Variants in CDKL3 observed in about 807,000 individuals in gnomAD.
The protein encoded by CDKL3 is cyclin dependent kinase like 3.
A neutral mutation model predicts 69.3 loss-of-function variants in CDKL3; 65 were observed. That is an observed-to-expected ratio of 0.94 (90% CI 0.77 to 1.15). The LOEUF is 1.15. Among genes scored for constraint, CDKL3 ranks in the 50% most tolerant of loss-of-function variants. CDKL3 has a pLI of 0.00. For synonymous variants in CDKL3, 202 were observed against 221.6 expected (o/e 0.91, Z 0.79); for missense variants, 652 against 689.2 (o/e 0.95, Z 0.61).
rs181113836 is a variant in CDKL3 at position 134,335,418 on chromosome 5, C to T, written c.540-13515G>A. 3.3e-3 allele frequency among the ~76,000 whole-genome samples: 506 copies of T among 152,248 alleles called. 1 individual carries two copies. Among genetic ancestry groups the T allele is most frequent in the African/African-American group, 0.012 (478 of 41,524 alleles). On this transcript the variant is annotated intron_variant, in intron 4 of 12. Transcript: ENST00000265334. ...AATTGATGCAGTTTCTTCATAGCGT[C>T]GATGGTCTTTACAATTTGGCATGTT...
chr5:134,286,720 C>T (rs2149402659), intron 8 of CDKL3, among the ~76,000 whole-genome samples: 1 of 152,204 alleles, frequency 6.6e-6, no homozygotes, highest in South Asian at 2.1e-4. Flanking sequence ...GGAAAACTCC[C>T]CCTTGTAATA....
chr5:134,370,773 G>A (rs1400998850), upstream of CDKL3, among the ~76,000 whole-genome samples: 5 of 152,320 alleles, frequency 3.3e-5, no homozygotes, highest in East Asian at 7.7e-4. Context: ...GGCTGCCTTA[G>A]AAGATCGTGC....
At chr5:134,328,522 A>C (rs1316156753) in intron 4 of CDKL3, among the ~76,000 whole-genome samples, 2 of 152,228 alleles carry the variant, frequency 1.3e-5, no homozygotes, top group Non-Finnish European at 1.5e-5. Flanking sequence ...GAATGAAAAA[A>C]ATAACAGAGC....
At chr5:134,367,368 CTTTTTTTTT>C (rs57811547), upstream of CDKL3, 33 of 780,454 alleles carry the variant, frequency 4.2e-5, no homozygotes, top group South Asian at 1.5e-3. Flanking sequence ...GGATCTGCAT[CTTTTTTTTT>C]TTTTTTTTTT....
intron 1 of CDKL3, 75 bp downstream of exon 1, chr5:134,366,902 A>T: frequency 1.0e-6 from 1 of 1,001,832 alleles, no homozygotes; most frequent in South Asian, 4.2e-5. Flanking sequence ...GCAGTCGCCC[A>T]CTTATCAGGC....
In CDKL3 at chr5:134,304,466, T is replaced by C; in HGVS notation, c.1560A>G (p.Lys520=). 1.9e-6 allele frequency: 3 copies of C among 1,613,206 alleles called. No homozygotes were observed. Among genetic ancestry groups the C allele is most frequent in the African/African-American group, 2.7e-5 (2 of 75,040 alleles). Residue 520 remains lysine, a synonymous_variant, in exon 11 of 13, where the codon AAA becomes AAG. Coordinates refer to ENST00000265334, the MANE Select transcript of CDKL3 (RefSeq NM_001113575.2). ...CAGGCAATTCTGGAAAATGGAATTC[T>C]TTCCTGTCAGATCTGGAAAAATTCA... ...RKLNFSRSDR[K]EFHFPELPVT... is the part of the protein sequence containing the mutation.
Position 134,326,853 on chromosome 5 carries a change from A to G in CDKL3, c.540-4950T>C, listed in dbSNP as rs1381284307. Among the ~76,000 whole-genome samples the G allele has an allele frequency of 2.6e-4, 27 of 104,722 alleles. 1 individual carries two copies. The highest frequency in any genetic ancestry group is 8.9e-4 in the East Asian group (4 of 4,486). The allele number at this position is 104,722 out of a possible 152,430, so 68.7% of individuals were successfully genotyped here. A position where few individuals can be genotyped will look rare whatever the true frequency, so the allele number is the denominator to read the frequency against. Reference sequence around the variant, plus strand: ...TATATATATATATATATATATATATATATATATATATATACACACACACAC... The same window carrying G: ...TATATATATATATATATATATATATGTATATATATATATACACACACACAC... On this transcript the variant is annotated intron_variant, in intron 4 of 12. Coordinates refer to ENST00000265334, the MANE Select transcript of CDKL3 (RefSeq NM_001113575.2).
chr5:134,350,479 G>T, intron 3 of CDKL3, 52 bp from the exon 4 acceptor site: 1 of 1,246,876 alleles, frequency 8.0e-7, no homozygotes, highest in Non-Finnish European at 1.1e-6. Context: ...TCATTATCCA[G>T]AATCTCTCAA....
chr5:134,336,416 G>A (rs182735286), intron 4 of CDKL3, among the ~76,000 whole-genome samples: 122 of 152,248 alleles, frequency 8.0e-4, no homozygotes, highest in African/African-American at 2.7e-3. Context: ...TCTGGTTTTT[G>A]GAATTTTCAG....
intron 4 of CDKL3, among the ~76,000 whole-genome samples, chr5:134,329,693 T>C (rs1205232309): frequency 6.6e-6 from 1 of 151,900 alleles, no homozygotes; most frequent in East Asian, 1.9e-4. Flanking sequence ...GTGGTCTCCA[T>C]CTCCTGACCT....
intron 3 of CDKL3, among the ~76,000 whole-genome samples, chr5:134,353,927 C>T (rs1243755447): frequency 6.6e-6 from 1 of 152,134 alleles, no homozygotes; most frequent in African/African-American, 2.4e-5. Context: ...CCTGAAATGG[C>T]TTATAAGGCC....
At chr5:134,325,160 A>T (rs1773812342) in intron 4 of CDKL3, among the ~76,000 whole-genome samples, 1 of 152,238 alleles carries the variant, frequency 6.6e-6, no homozygotes, top group African/African-American at 2.4e-5. Context: ...CCTGTGAGAC[A>T]GAATGCGACA....
intron 4 of CDKL3, among the ~76,000 whole-genome samples, chr5:134,337,163 G>A (rs767551585): frequency 3.9e-5 from 6 of 152,216 alleles, no homozygotes; most frequent in Non-Finnish European, 5.9e-5. Flanking sequence ...AGCCAGGCAC[G>A]GGAGAGAATC....
chr5:134,314,049 C>T lies in CDKL3; in HGVS notation c.793-1669G>A, dbSNP rs116632975. 4.6e-3 allele frequency among the ~76,000 whole-genome samples: 705 copies of T among 152,036 alleles called. 6 individuals carry two copies. Among genetic ancestry groups the T allele is most frequent in the African/African-American group, 0.016 (674 of 41,466 alleles). ...AATCCCAGCCACTCGGAGGCTAAGG[C>T]GGAAGAATTGCTTGAACCCGGGAGA... On this transcript the variant is annotated intron_variant, in intron 6 of 12. Transcript: ENST00000265334.
At chr5:134,369,523 T>C (rs935167787), upstream of CDKL3, among the ~76,000 whole-genome samples, 3 of 152,166 alleles carry the variant, frequency 2.0e-5, no homozygotes, top group South Asian at 4.1e-4. Flanking sequence ...GTACCTCCCT[T>C]TCTTCAAACC....
At chr5:134,365,877 C>T (rs1033309329) in intron 2 of CDKL3, among the ~76,000 whole-genome samples, 29 of 152,134 alleles carry the variant, frequency 1.9e-4, no homozygotes, top group Non-Finnish European at 3.8e-4. Context: ...TATCTAAACC[C>T]TCCACATCCT....
chr5:134,365,355 G>A (rs1476183075), intron 2 of CDKL3, among the ~76,000 whole-genome samples: 21 of 150,212 alleles, frequency 1.4e-4, no homozygotes, highest in Non-Finnish European at 7.4e-5. Flanking sequence ...CCTGACCTCA[G>A]GTGATCCACC....
chr5:134,350,477 C>T, intron 3 of CDKL3, 50 bp from the exon 4 acceptor site: 1 of 1,241,046 alleles, frequency 8.1e-7, no homozygotes. Context: ...TTTCATTATC[C>T]AGAATCTCTC....
Position 134,308,171 on chromosome 5 carries a change from T to A in CDKL3, c.1331A>T (p.Asn444Ile). 1 of 1,613,612 alleles carries A rather than the reference T, an allele frequency of 6.2e-7. No individual in the cohort carries two copies. The highest frequency in any genetic ancestry group is 1.1e-5 in the South Asian group (1 of 91,024). ...NLTNSNLMAA[N>I]LSSNLFHPSV... ...GGGGTGAAAGAGATTTGAACTGAGATTTGCAGCCATCAAATTACTGTTAGT... is the reference window on the plus strand; with the variant it reads ...GGGGTGAAAGAGATTTGAACTGAGAATTGCAGCCATCAAATTACTGTTAGT... Residue 444 changes from asparagine to isoleucine, a missense_variant, in exon 9 of 13, where the codon AAT becomes ATT. Transcript: ENST00000265334.
Sources: gnomAD v4.1 joint callset for allele counts (sites outside exome capture counted in the v4.1 genomes callset) on GRCh38, gnomAD v4.1.1 for gene constraint, MANE v1.5 for transcripts, NCBI Gene and HGNC (gene_info 2026-07-23, HGNC 2026-07-21) for gene names.